Variants in SH2D4A observed in about 807,000 individuals in gnomAD.
SH2D4A encodes the protein SH2 domain-containing protein 4A.
Under a neutral mutation model 64.7 loss-of-function variants are expected in SH2D4A, and 70 were observed. That is an observed-to-expected ratio of 1.08 (90% CI 0.89 to 1.32). The LOEUF (loss-of-function observed/expected upper bound fraction) is 1.32. Among genes scored for constraint, SH2D4A ranks in the 40% most tolerant of loss-of-function variants. SH2D4A has a pLI of 0.00. For synonymous variants in SH2D4A, 268 were observed against 200.7 expected, an observed-to-expected ratio of 1.34 and a Z score of -2.83; for missense variants, 706 against 540.1, an observed-to-expected ratio of 1.31 and a Z score of -3.04.
chr8:19,375,037 T>C (rs971796950), intron 8 of SH2D4A: 4 of 152,184 alleles, frequency 2.6e-5, no homozygotes, highest in Non-Finnish European at 4.4e-5. Context: ...CCTGGTACTT[T>C]AACAGGCAGT....
At chr8:19,332,277 G>T (rs1353653624) in intron 2 of SH2D4A, among the ~76,000 whole-genome samples, 2 of 152,228 alleles carry the variant, frequency 1.3e-5, no homozygotes, top group East Asian at 3.9e-4. Flanking sequence ...TGCTAGCTCT[G>T]TTACCCTAAA....
intron 8 of SH2D4A, among the ~76,000 whole-genome samples, chr8:19,392,973 C>T (rs1255328504): frequency 6.6e-6 from 1 of 152,082 alleles, no homozygotes; most frequent in Admixed American, 6.5e-5. Flanking sequence ...GATCTCCTGA[C>T]CTCGTGATCC....
At chr8:19,388,313 A>G (rs745919933) in intron 8 of SH2D4A, among the ~76,000 whole-genome samples, 15 of 152,238 alleles carry the variant, frequency 9.9e-5, no homozygotes, top group Non-Finnish European at 1.8e-4. Context: ...CGATAATATC[A>G]GCTCTGCTTT....
At chr8:19,364,401 G>A (rs2052952576) in intron 7 of SH2D4A, 119 bp downstream of exon 7, 2 of 1,097,700 alleles carry the variant, frequency 1.8e-6, no homozygotes, top group East Asian at 5.2e-5. Flanking sequence ...CTGGCAGCCT[G>A]TGTAAGTAGC....
rs145028412 is a variant in SH2D4A at position 19,372,385 on chromosome 8, A to G, written c.918-1145A>G. On this transcript the variant is annotated intron_variant, in intron 7 of 9. Coordinates refer to ENST00000265807, the MANE Select transcript of SH2D4A (RefSeq NM_022071.4). ...CAGGGGCTGTGTGGGAAAGCTGGTCAGGGACTCCAGTACAGAAGACTGTTT... is the reference window on the plus strand; with the variant it reads ...CAGGGGCTGTGTGGGAAAGCTGGTCGGGGACTCCAGTACAGAAGACTGTTT... Among the ~76,000 whole-genome samples the G allele has an allele frequency of 3.0e-4, 45 of 152,294 alleles. No homozygotes were observed. In the East Asian group the frequency reaches 8.7e-3, roughly 29 times the overall value.
Position 19,395,497 on chromosome 8 carries a change from G to C in SH2D4A, c.*855G>C, listed in dbSNP as rs773123090. 3.9e-5 allele frequency: 6 copies of C among 152,168 alleles called. No individual in the cohort carries two copies. Among genetic ancestry groups the C allele is most frequent in the Non-Finnish European group, 8.8e-5 (6 of 68,062 alleles). The allele number at this position is 152,168 out of a possible 1,614,324, so 9.4% of individuals were successfully genotyped here. A position where few individuals can be genotyped will look rare whatever the true frequency, so the allele number is the denominator to read the frequency against. On this transcript the variant is annotated 3_prime_UTR_variant, in exon 10 of 10. Transcript: ENST00000265807. ...TGAATGGGACCTTGTTTGGAAATAG[G>C]GTCTTTGCAGATATAGTCAAGATGA...
Position 19,364,144 on chromosome 8 carries a change from T to C in SH2D4A, c.779T>C (p.Leu260Ser). Reference protein sequence around the residue: ...AKQAREDYKRLSLGAQKGRGG... With the variant: ...AKQAREDYKRSSLGAQKGRGG... Reference sequence around the variant, plus strand: ...CAAGCACGAGAAGACTACAAGAGGTTATCCCTCGGGGCCCAGAAAGGAAGA... The same window carrying C: ...CAAGCACGAGAAGACTACAAGAGGTCATCCCTCGGGGCCCAGAAAGGAAGA... The change falls in exon 7 of 10, where the codon TTA becomes TCA. Residue 260 changes from leucine to serine, a missense_variant. By Grantham distance (145) the Leu-to-Ser change is moderately radical. Coordinates refer to ENST00000265807, the MANE Select transcript of SH2D4A (RefSeq NM_022071.4). 1 of 1,614,080 alleles carries C rather than the reference T, an allele frequency of 6.2e-7. No homozygotes were observed. The highest frequency in any genetic ancestry group is 8.5e-7 in the Non-Finnish European group (1 of 1,179,988).
At chr8:19,329,688 A>T (rs998495953) in intron 2 of SH2D4A, among the ~76,000 whole-genome samples, 2 of 152,190 alleles carry the variant, frequency 1.3e-5, no homozygotes, top group African/African-American at 4.8e-5. Flanking sequence ...TTTCCCCCAT[A>T]CTGTTCTCAT....
Position 19,364,228 on chromosome 8 carries a change from T to C in SH2D4A, c.863T>C (p.Leu288Pro). Reference sequence around the variant, plus strand: ...CCGCAGAAACCAGAAAGACCTCCCCTTCCACCCAAGCCTCAGTTCCTAAAC... The same window carrying C: ...CCGCAGAAACCAGAAAGACCTCCCCCTCCACCCAAGCCTCAGTTCCTAAAC... ...RVPQKPERPP[L>P]PPKPQFLNSG... is the part of the protein sequence containing the mutation. The change falls in exon 7 of 10, where the codon CTT (leucine) becomes CCT (proline). Residue 288 changes from leucine (L) to proline (P), a missense_variant. By Grantham distance (98) the Leu-to-Pro change is moderately conservative. Transcript: ENST00000265807. 13 of 1,614,152 alleles carry C rather than the reference T, an allele frequency of 8.1e-6. No individual in the cohort carries two copies. Among genetic ancestry groups the C allele is most frequent in the Non-Finnish European group, 1.1e-5 (13 of 1,179,996 alleles).
intron 4 of SH2D4A, among the ~76,000 whole-genome samples, chr8:19,349,767 C>T (rs1213439642): frequency 6.6e-6 from 1 of 152,174 alleles, no homozygotes; most frequent in East Asian, 1.9e-4. Flanking sequence ...ATTATTATTT[C>T]TTGAGATACA....
At chr8:19,375,245 G>T (rs907022237) in intron 8 of SH2D4A, 3 of 152,094 alleles carry the variant, frequency 2.0e-5, no homozygotes, top group African/African-American at 7.2e-5. Context: ...CATATAGTCA[G>T]TATACATCTT....
At chr8:19,370,096 C>A (rs1399799257) in intron 7 of SH2D4A, among the ~76,000 whole-genome samples, 1 of 151,996 alleles carries the variant, frequency 6.6e-6, no homozygotes, top group East Asian at 1.9e-4. Context: ...TTAATTTCCA[C>A]ATATTTGTTT....
chr8:19,326,344 G>A (rs575011054), intron 2 of SH2D4A, among the ~76,000 whole-genome samples: 10 of 152,318 alleles, frequency 6.6e-5, no homozygotes, highest in Middle Eastern at 3.4e-3. Flanking sequence ...GAGGGGAACC[G>A]GGGTGTCCCA....
chr8:19,379,137 C>T (rs975055661), intron 8 of SH2D4A, among the ~76,000 whole-genome samples: 1 of 151,870 alleles, frequency 6.6e-6, no homozygotes, highest in Non-Finnish European at 1.5e-5. Context: ...AGTTATTTCA[C>T]CTTGTAAAAC....
In SH2D4A at chr8:19,333,547, G is replaced by C. The variant is rs188221926; in HGVS notation, c.341+433G>C. Among the ~76,000 whole-genome samples the C allele has an allele frequency of 3.6e-4, 55 of 152,268 alleles. 1 individual carries two copies. Among genetic ancestry groups the C allele is most frequent in the Admixed American group, 2.7e-3 (42 of 15,292 alleles). The stretch of plus-strand genomic sequence containing the variant: ...AATGCAGTGACTGTGCAAGCTTCAG[G>C]CCTTCCAAGGAGATCACTTAGATAC... On this transcript the variant is annotated intron_variant, in intron 3 of 9. Transcript: ENST00000265807.
intron 4 of SH2D4A, among the ~76,000 whole-genome samples, chr8:19,349,251 C>A (rs1377602292): frequency 6.6e-6 from 1 of 152,144 alleles, no homozygotes; most frequent in Non-Finnish European, 1.5e-5. Context: ...TACACAACTA[C>A]CCAAGTAGTT....
chr8:19,335,545 G>A (rs1217163365), intron 4 of SH2D4A, among the ~76,000 whole-genome samples: 2 of 152,192 alleles, frequency 1.3e-5, no homozygotes, highest in Admixed American at 6.5e-5. Context: ...TATGGGCCAT[G>A]CCATCTTTGT....
rs1452791537 is a variant in SH2D4A at position 19,319,442 on chromosome 8, G to A, written c.-106G>A. The stretch of plus-strand genomic sequence containing the variant: ...AGTCAGCCAGGATTGTGAGCTGTTT[G>A]GGAAGTTTCGTGGAAACGCCCAAGT... On this transcript the variant is annotated 5_prime_UTR_variant, in exon 2 of 10. Transcript: ENST00000265807. The A allele has an allele frequency of 2.2e-6, 3 of 1,339,402 alleles. No individual in the cohort carries two copies. Among genetic ancestry groups the A allele is most frequent in the Non-Finnish European group, 2.9e-6 (3 of 1,041,512 alleles). 83.0% of individuals were successfully genotyped at this position (1,339,402 alleles called of 1,614,324 possible).
At chr8:19,348,841 C>A (rs1585167617) in intron 4 of SH2D4A, among the ~76,000 whole-genome samples, 1 of 152,050 alleles carries the variant, frequency 6.6e-6, no homozygotes, top group African/African-American at 2.4e-5. Context: ...GGTTGAGAAG[C>A]CTGCATACTA....
Sources: allele counts gnomAD v4.1 joint callset (sites outside exome capture counted in the v4.1 genomes callset), GRCh38; gene constraint gnomAD v4.1.1; transcripts MANE v1.5; gene names NCBI Gene and HGNC (gene_info 2026-07-23, HGNC 2026-07-21).